Variants in DNAJC10 observed in about 807,000 individuals in gnomAD.
DNAJC10 encodes the protein endoplasmic reticulum disulfide reductase DNAJC10.
A neutral mutation model predicts 115.0 loss-of-function variants in DNAJC10; 101 were observed. That is an observed-to-expected ratio of 0.88 (90% CI 0.75 to 1.04). The LOEUF is 1.04. Ranked by LOEUF, DNAJC10 falls within the 50% of genes least tolerant of loss-of-function variation. DNAJC10 has a pLI of 0.00. For missense variants in DNAJC10, 981 were observed against 928.8 expected (o/e 1.06, Z -0.73); for synonymous variants, 307 against 301.5 (o/e 1.02, Z -0.19).
intron 22 of DNAJC10, among the ~76,000 whole-genome samples, chr2:182,770,774 C>T (rs775913021): frequency 6.6e-6 from 1 of 152,194 alleles, no homozygotes; most frequent in Admixed American, 6.5e-5. Context: ...TTGACTTCCT[C>T]ATTTCCTAAT....
chr2:182,741,339 A>T lies in DNAJC10; in HGVS notation c.1174A>T (p.Lys392Ter), dbSNP rs199498703. 6.4e-7 allele frequency: 1 copy of T among 1,557,472 alleles called. No homozygotes were observed. The highest frequency in any genetic ancestry group is 8.8e-7 in the Non-Finnish European group (1 of 1,140,512). Residue 392 changes from lysine (K) to a stop codon, truncating the protein, a stop_gained, in exon 13 of 24, where the codon AAA becomes TAA. Transcript: ENST00000264065. LOFTEE classifies it high-confidence loss of function. The stretch of plus-strand genomic sequence containing the variant: ...GCTGAAAAAACTAAAAACTCTACTT[A>T]AAAATGATCATATTCAAGTAAGAAA... ...PELKKLKTLL[K>*]NDHIQVGRFD... is the part of the protein sequence containing the mutation.
intron 10 of DNAJC10, among the ~76,000 whole-genome samples, chr2:182,734,138 A>T (rs1693526392): frequency 1.4e-5 from 2 of 141,592 alleles, no homozygotes; most frequent in Admixed American, 7.0e-5. Flanking sequence ...TAAGCACTAT[A>T]TTTCCTTCCC....
rs1434854977 is a variant in DNAJC10 at position 182,733,030 on chromosome 2, TTATGTTAGGTGTAATA to T, written c.849+502_849+517del. 1.1e-4 allele frequency among the ~76,000 whole-genome samples: 17 copies of T among 152,036 alleles called. No individual in the cohort carries two copies. In the South Asian group the frequency reaches 1.9e-3, roughly 17 times the overall value. On this transcript the variant is annotated intron_variant, in intron 10 of 23. Coordinates refer to ENST00000264065, the MANE Select transcript of DNAJC10 (RefSeq NM_018981.4). ...CTTTGTGAGCTTGAATATAATAATG[TTATGTTAGGTGTAATA>T]TATGTTAGGTGTAGTATTACATTTA... is the stretch of plus-strand genomic sequence containing the variant.
chr2:182,730,980 T>C (rs1169542516), intron 8 of DNAJC10, 50 bp from the exon 9 acceptor site: 2 of 1,257,174 alleles, frequency 1.6e-6, no homozygotes, highest in Non-Finnish European at 2.3e-6. Flanking sequence ...TTTCCATTAG[T>C]AAAGGAGTAA....
intron 5 of DNAJC10, among the ~76,000 whole-genome samples, chr2:182,722,620 C>T (rs1036396511): frequency 2.0e-5 from 3 of 152,084 alleles, no homozygotes; most frequent in African/African-American, 7.2e-5. Flanking sequence ...TTATATTGCT[C>T]TATCACAATT....
chr2:182,738,497 G>A (rs551946210), intron 11 of DNAJC10, among the ~76,000 whole-genome samples: 1 of 152,062 alleles, frequency 6.6e-6, no homozygotes, highest in South Asian at 2.1e-4. Flanking sequence ...ACAGGGAGTG[G>A]TGAATTAAAC....
intron 16 of DNAJC10, 62 bp downstream of exon 16, chr2:182,752,250 T>G (rs1000406672): frequency 3.6e-6 from 3 of 836,986 alleles, no homozygotes; most frequent in Non-Finnish European, 5.3e-6. Flanking sequence ...TTTTGGCTGT[T>G]TATTATTAAA....
chr2:182,771,689 T>G (rs570484147), intron 22 of DNAJC10, among the ~76,000 whole-genome samples: 1 of 152,332 alleles, frequency 6.6e-6, no homozygotes, highest in Non-Finnish European at 1.5e-5. Context: ...TTTATCATTT[T>G]TTATTGCGTC....
At chr2:182,737,594 C>T (rs1232439573) in intron 11 of DNAJC10, among the ~76,000 whole-genome samples, 4 of 152,068 alleles carry the variant, frequency 2.6e-5, no homozygotes, top group Non-Finnish European at 4.4e-5. Context: ...TGCACCTATA[C>T]GTATATGTGT....
At chr2:182,742,834 TTTTC>T (rs1445725374) in intron 13 of DNAJC10, among the ~76,000 whole-genome samples, 2 of 151,982 alleles carry the variant, frequency 1.3e-5, no homozygotes, top group African/African-American at 4.8e-5. Context: ...TTGTCCAGCT[TTTTC>T]TTTGTTTTTT....
intron 14 of DNAJC10, among the ~76,000 whole-genome samples, chr2:182,746,238 T>A: frequency 6.6e-6 from 1 of 152,214 alleles, no homozygotes; most frequent in Non-Finnish European, 1.5e-5. Context: ...TTATAATCCT[T>A]TGGGTATATA....
rs1694949408 is a variant in DNAJC10 at position 182,786,513 on chromosome 2, A to G, written c.*9381A>G. ...TGATGAGGTCTCACCATTTTCTTCA[A>G]GGAAGATCAACTGAACCTGCCTGAA... On this transcript the variant is annotated 3_prime_UTR_variant, in exon 24 of 24. Coordinates refer to ENST00000264065, the MANE Select transcript of DNAJC10 (RefSeq NM_018981.4). The G allele has an allele frequency of 6.6e-6, 1 of 152,186 alleles. No homozygotes were observed. The highest frequency in any genetic ancestry group is 1.5e-5 in the Non-Finnish European group (1 of 68,036). The allele number at this position is 152,186 out of a possible 1,614,324, so 9.4% of individuals were successfully genotyped here. A position where few individuals can be genotyped will look rare whatever the true frequency, so the allele number is the denominator to read the frequency against.
intron 21 of DNAJC10, among the ~76,000 whole-genome samples, chr2:182,761,637 C>T (rs780776342): frequency 3.9e-5 from 6 of 152,010 alleles, no homozygotes; most frequent in Non-Finnish European, 8.8e-5. Flanking sequence ...TCTGGATGAG[C>T]CTAATTTCTG....
chr2:182,754,907 A>G, intron 16 of DNAJC10, 96 bp from the exon 17 acceptor site: 1 of 1,299,380 alleles, frequency 7.7e-7, no homozygotes, highest in Non-Finnish European at 1.1e-6. Flanking sequence ...GGTTTTTAAA[A>G]TCTTGTTCTT....
chr2:182,787,250 T>C lies in DNAJC10; in HGVS notation c.*10118T>C, dbSNP rs1363533571. ...TGGAAACTATACTGGCTTGACAGTC[T>C]CCCCATACTGATTCAGACTCCAGCA... On this transcript the variant is annotated 3_prime_UTR_variant, in exon 24 of 24. Coordinates refer to ENST00000264065, the MANE Select transcript of DNAJC10 (RefSeq NM_018981.4). 2 of 152,126 alleles carry C rather than the reference T, an allele frequency of 1.3e-5. No homozygotes were observed. Among genetic ancestry groups the C allele is most frequent in the African/African-American group, 4.8e-5 (2 of 41,412 alleles). The allele number at this position is 152,126 out of a possible 1,614,324, so 9.4% of individuals were successfully genotyped here.
rs140936889 is a variant in DNAJC10, at chr2:182,729,857, A to G, written c.643A>G (p.Lys215Glu). The G allele has an allele frequency of 2.6e-5, 41 of 1,592,820 alleles. No homozygotes were observed. The African/African-American group carries it at 4.7e-4, about 18-fold the overall frequency. ...FIFRSGMAPV[K>E]YHGDRSKESL... ...TTACAAAAACCAATAGGCCCCAGTG[A>G]AATATCATGGAGACAGATCAAAGGA... Residue 215 changes from lysine to glutamate, a missense_variant, in exon 8 of 24, where the codon AAA becomes GAA. Lys to Glu is a moderately conservative substitution (Grantham distance 56). Transcript: ENST00000264065.
At position 182,782,411 on chromosome 2, in the gene DNAJC10, TTGGTTC is replaced by T. The variant is rs1694870030; in HGVS notation, c.*5280_*5285del. On this transcript the variant is annotated 3_prime_UTR_variant, in exon 24 of 24. Coordinates refer to ENST00000264065, the MANE Select transcript of DNAJC10 (RefSeq NM_018981.4). Reference sequence around the variant, plus strand: ...CTTGGCTATATGGGCTCTTTTTTTTTTGGTTCCATATGAAATTTAAAGTAGTTTTTT... The same window carrying T: ...CTTGGCTATATGGGCTCTTTTTTTTTCATATGAAATTTAAAGTAGTTTTTT... 1.3e-5 allele frequency: 2 copies of T among 152,144 alleles called. No homozygotes were observed. The highest frequency in any genetic ancestry group is 4.8e-5 in the African/African-American group (2 of 41,432). The allele number at this position is 152,144 out of a possible 1,614,324, so 9.4% of individuals were successfully genotyped here.
intron 16 of DNAJC10, among the ~76,000 whole-genome samples, chr2:182,753,579 G>GTTTTTTTTTTTTT (rs56151760): frequency 2.0e-5 from 2 of 99,400 alleles, no homozygotes; most frequent in African/African-American, 4.0e-5. Context: ...CTTTAGTTTA[G>GTTTTTTTTTTTTT]TTTTTTTTTT....
chr2:182,720,423 T>A (rs1294085160), intron 4 of DNAJC10, among the ~76,000 whole-genome samples: 1 of 152,190 alleles, frequency 6.6e-6, no homozygotes, highest in Non-Finnish European at 1.5e-5. Flanking sequence ...AAATATGCAT[T>A]CATGGACTGC....
Sources: gnomAD v4.1 joint callset for allele counts (sites outside exome capture counted in the v4.1 genomes callset) on GRCh38, gnomAD v4.1.1 for gene constraint, MANE v1.5 for transcripts, NCBI Gene and HGNC (gene_info 2026-07-23, HGNC 2026-07-21) for gene names.